LRMDA: variants seen among roughly 807,000 people sequenced by gnomAD.
LRMDA encodes the protein leucine rich melanocyte differentiation associated.
In LRMDA, 18 loss-of-function variants were observed where a neutral mutation model predicts 29.8. The ratio of observed to expected loss-of-function variants is 0.60; its 90% CI spans 0.42 to 0.90. LRMDA has a LOEUF of 0.90. LRMDA is among the 40% of genes least tolerant of loss of function. The probability of loss-of-function intolerance (pLI) is 0.00; values close to 1 mark genes in which losing one functional copy is unlikely to be tolerated. For synonymous variants in LRMDA, 125 were observed against 109.4 expected, an observed-to-expected ratio of 1.14 and a Z score of -0.89; for missense variants, 273 against 273.9, an observed-to-expected ratio of 1.00 and a Z score of 0.02.
intron 2 of LRMDA, among the ~76,000 whole-genome samples, chr10:75,472,373 G>GT (rs1414653799): frequency 6.6e-6 from 1 of 152,110 alleles, no homozygotes; most frequent in East Asian, 1.9e-4. Context: ...TTTAATCCTC[G>GT]TAACGACCCA....
intron 2 of LRMDA, among the ~76,000 whole-genome samples, chr10:75,604,947 T>A (rs1488628234): frequency 6.6e-6 from 1 of 152,202 alleles, no homozygotes; most frequent in Non-Finnish European, 1.5e-5. Context: ...ACCACCGCAG[T>A]CTGTGTATGC....
chr10:76,222,123 A>G (rs1221508296), intron 5 of LRMDA, among the ~76,000 whole-genome samples: 2 of 151,952 alleles, frequency 1.3e-5, no homozygotes, highest in Admixed American at 1.3e-4. Context: ...TTAATTCAAG[A>G]TGGATTAAAG....
chr10:75,780,315 C>T (rs536701473), intron 2 of LRMDA, among the ~76,000 whole-genome samples: 1 of 152,328 alleles, frequency 6.6e-6, no homozygotes, highest in Admixed American at 6.5e-5. Flanking sequence ...CTCAAACCAA[C>T]TGTGAGGGAG....
chr10:75,941,895 T>A (rs956656192), intron 2 of LRMDA, among the ~76,000 whole-genome samples: 1 of 152,218 alleles, frequency 6.6e-6, no homozygotes, highest in African/African-American at 2.4e-5. Flanking sequence ...CCTTCTAGGC[T>A]CCTTGTTCAT....
At chr10:75,699,587 T>C (rs560957275) in intron 2 of LRMDA, among the ~76,000 whole-genome samples, 5 of 152,340 alleles carry the variant, frequency 3.3e-5, no homozygotes, top group South Asian at 2.1e-4. Context: ...AACTTACCCA[T>C]TGAATTTAAA....
chr10:76,367,167 A>G (rs2132453157), intron 6 of LRMDA, among the ~76,000 whole-genome samples: 1 of 152,158 alleles, frequency 6.6e-6, no homozygotes, highest in East Asian at 1.9e-4. Flanking sequence ...GTATTTTGTT[A>G]ACTATTTTAG....
At chr10:76,447,097 A>T (rs963192690) in intron 6 of LRMDA, among the ~76,000 whole-genome samples, 2 of 151,646 alleles carry the variant, frequency 1.3e-5, no homozygotes, top group African/African-American at 4.8e-5. Context: ...TGCACTCAGA[A>T]TTATTTCCTC....
At chr10:75,874,194 G>A (rs1845159361) in intron 2 of LRMDA, among the ~76,000 whole-genome samples, 1 of 152,176 alleles carries the variant, frequency 6.6e-6, no homozygotes, top group African/African-American at 2.4e-5. Context: ...TTAAGTAAAA[G>A]TCGGGGGAAA....
At chr10:75,670,369 C>A (rs1231630553) in intron 2 of LRMDA, among the ~76,000 whole-genome samples, 1 of 149,208 alleles carries the variant, frequency 6.7e-6, no homozygotes, top group Admixed American at 6.6e-5. Context: ...TGCCACCACC[C>A]TCCCTCTAAC....
chr10:76,122,009 A>C (rs1033437364), intron 5 of LRMDA, among the ~76,000 whole-genome samples: 11 of 152,186 alleles, frequency 7.2e-5, no homozygotes, highest in Non-Finnish European at 1.0e-4. Context: ...GAGACAGATA[A>C]TAAGTAGATA....
chr10:76,335,088 T>C (rs1840951471), intron 6 of LRMDA, among the ~76,000 whole-genome samples: 1 of 152,200 alleles, frequency 6.6e-6, no homozygotes, highest in Non-Finnish European at 1.5e-5. Context: ...GAGATCAAGT[T>C]GTGGATTCTT....
intron 2 of LRMDA, among the ~76,000 whole-genome samples, chr10:75,876,235 T>C (rs183429028): frequency 1.3e-5 from 2 of 152,322 alleles, no homozygotes; most frequent in Non-Finnish European, 1.5e-5. Flanking sequence ...GCTAAGGAAT[T>C]GGAATCCTTC....
intron 2 of LRMDA, among the ~76,000 whole-genome samples, chr10:75,524,744 T>A (rs944069915): frequency 5.4e-4 from 83 of 152,314 alleles, no homozygotes; most frequent in African/African-American, 1.9e-3. Context: ...GGAGAAGTTT[T>A]AGTATTTTTT....
chr10:76,043,601 TCCCAGGG>T (rs1166077549), intron 3 of LRMDA, among the ~76,000 whole-genome samples: 26 of 152,036 alleles, frequency 1.7e-4, no homozygotes, highest in Non-Finnish European at 1.6e-4. Flanking sequence ...CCAGGGTCTT[TCCCAGGG>T]CCTTGGAAGG....
intron 5 of LRMDA, among the ~76,000 whole-genome samples, chr10:76,314,465 C>A (rs972880174): frequency 3.3e-5 from 5 of 152,208 alleles, no homozygotes; most frequent in African/African-American, 1.2e-4. Context: ...CAAGCTCTCA[C>A]TTGCAGCATT....
At chr10:75,580,363 G>A (rs1840571604) in intron 2 of LRMDA, among the ~76,000 whole-genome samples, 1 of 152,078 alleles carries the variant, frequency 6.6e-6, no homozygotes, top group Non-Finnish European at 1.5e-5. Flanking sequence ...CAACTTAAAA[G>A]GGATGTGAAG....
chr10:76,067,224 C>T (rs2132064274), intron 5 of LRMDA, among the ~76,000 whole-genome samples: 1 of 152,330 alleles, frequency 6.6e-6, no homozygotes, highest in South Asian at 2.1e-4. Flanking sequence ...ATAGTATTCA[C>T]TGTCTCGTTT....
At chr10:76,297,269 A>G (rs759902342) in intron 5 of LRMDA, among the ~76,000 whole-genome samples, 3 of 152,230 alleles carry the variant, frequency 2.0e-5, no homozygotes, top group Non-Finnish European at 4.4e-5. Context: ...AGGGTGGCTA[A>G]CCACTATTTC....
chr10:75,557,038 G>A (rs995733711), intron 2 of LRMDA, among the ~76,000 whole-genome samples: 1 of 152,102 alleles, frequency 6.6e-6, no homozygotes, highest in East Asian at 1.9e-4. Flanking sequence ...ATGGGGCCAG[G>A]CATGGTGGCT....
Sources: allele counts gnomAD v4.1 joint callset (sites outside exome capture counted in the v4.1 genomes callset), GRCh38; gene constraint gnomAD v4.1.1; transcripts MANE v1.5; gene names NCBI Gene and HGNC (gene_info 2026-07-23, HGNC 2026-07-21).